ZDHHC15: variants seen among roughly 807,000 people sequenced by gnomAD.
ZDHHC15 encodes the protein zDHHC palmitoyltransferase 15.
In ZDHHC15, 19 loss-of-function variants were observed where a neutral mutation model predicts 31.7. The observed-to-expected ratio is 0.60, with a 90% CI of 0.42 to 0.88. The LOEUF (loss-of-function observed/expected upper bound fraction) is 0.88, where lower values mean the gene tolerates loss of function less well. ZDHHC15 is among the 40% of genes least tolerant of loss of function. ZDHHC15 has a pLI of 0.00. For synonymous variants in ZDHHC15, 103 were observed against 90.0 expected (o/e 1.14, Z -0.82); for missense variants, 209 against 251.2 (o/e 0.83, Z 1.14).
chrX:75,419,577 G>C (rs2083596397), intron 9 of ZDHHC15, among the ~76,000 whole-genome samples: 1 of 110,931 alleles, frequency 9.0e-6, no homozygotes, highest in Admixed American at 9.6e-5. Flanking sequence ...AATACCATTT[G>C]ACCCAGCCAT....
At chrX:75,411,071 T>C (rs1569316123) in intron 10 of ZDHHC15, among the ~76,000 whole-genome samples, 1 of 111,914 alleles carries the variant, frequency 8.9e-6, no homozygotes, top group Non-Finnish European at 1.9e-5. Context: ...GATTGGTTGT[T>C]ACCAGAGGCC....
intron 2 of ZDHHC15, among the ~76,000 whole-genome samples, chrX:75,482,400 G>A (rs1435879975): frequency 8.9e-6 from 1 of 111,789 alleles, no homozygotes; most frequent in Admixed American, 9.5e-5. Flanking sequence ...TCTAATACTG[G>A]GATCAAATTC....
chrX:75,482,565 C>G (rs893792697), intron 2 of ZDHHC15, among the ~76,000 whole-genome samples: 2 of 111,552 alleles, frequency 1.8e-5, no homozygotes, highest in African/African-American at 6.5e-5. Context: ...TTCTATGAAG[C>G]TGGTTAGATT....
intron 8 of ZDHHC15, among the ~76,000 whole-genome samples, chrX:75,422,891 G>T: frequency 9.3e-6 from 1 of 107,419 alleles, no homozygotes; most frequent in Non-Finnish European, 1.9e-5. Flanking sequence ...TGCCATGCTG[G>T]TGTGCTGCAC....
intron 1 of ZDHHC15, among the ~76,000 whole-genome samples, chrX:75,515,387 G>T (rs1350977752): frequency 9.0e-6 from 1 of 111,354 alleles, no homozygotes; most frequent in Non-Finnish European, 1.9e-5. Flanking sequence ...TATCCACCAA[G>T]ATCCAGTTGG....
chrX:75,450,827 C>T lies in ZDHHC15; in HGVS notation c.354G>A (p.Pro118=). The T allele has an allele frequency of 4.1e-6, 5 of 1,210,724 alleles. No homozygotes were observed. Among genetic ancestry groups the T allele is most frequent in the Non-Finnish European group, 4.5e-6 (4 of 894,928 alleles). ...CTCCACTTCCAGTTCTTGTGTAAAC[C>T]GGTAGCTTTTTGGCCATATCAACAA... ...QMLVDMAKKL[P]VYTRTGSGAV... The change falls in exon 4 of 12, where the codon CCG becomes CCA. Residue 118 remains proline, a synonymous_variant. Transcript: ENST00000373367.
In ZDHHC15 at chrX:75,456,656, C is replaced by G. The variant is rs377072135; in HGVS notation, c.259-5734G>C. 2.1e-4 allele frequency among the ~76,000 whole-genome samples: 23 copies of G among 110,799 alleles called. No homozygotes were observed. The East Asian group carries it at 2.3e-3, about 11-fold the overall frequency. On this transcript the variant is annotated intron_variant, in intron 3 of 11. Transcript: ENST00000373367. ...GACAGTGCGGGGATTCCTCAAGGAT[C>G]TAGAATCAGAAATATCATTTGACCC... is the stretch of plus-strand genomic sequence containing the variant.
chrX:75,414,137 C>A (rs2083517873), intron 10 of ZDHHC15, among the ~76,000 whole-genome samples: 1 of 111,992 alleles, frequency 8.9e-6, no homozygotes. Flanking sequence ...CCCCAAGACT[C>A]AAAAGTCTTT....
Position 75,424,658 on chromosome X carries a change from TG to T in ZDHHC15, c.729del (p.Thr244ProfsTer2). On this transcript the variant is annotated frameshift_variant, in exon 8 of 12. Coordinates refer to ENST00000373367, the MANE Select transcript of ZDHHC15 (RefSeq NM_144969.3). LOFTEE classifies it high-confidence loss of function. ...YHCWLVSRNK[T>X]TLEAFCTPVF... Reference sequence around the variant, plus strand: ...TCTTAATATTCAGTCTTACCTAAGGTGGTTTTGTTTCTGCTGACAAGCCAAC... The same window carrying T: ...TCTTAATATTCAGTCTTACCTAAGGTGTTTTGTTTCTGCTGACAAGCCAAC... 1 of 1,202,816 alleles carries T rather than the reference TG, an allele frequency of 8.3e-7. No homozygotes were observed. Among genetic ancestry groups the T allele is most frequent in the Non-Finnish European group, 1.1e-6 (1 of 892,343 alleles).
At chrX:75,424,813 G>T in intron 7 of ZDHHC15, 29 bp from the exon 8 acceptor site, 1 of 1,159,803 alleles carries the variant, frequency 8.6e-7, no homozygotes, top group Non-Finnish European at 1.1e-6. Flanking sequence ...ACAAGCAAAA[G>T]ATTAAAGTGG....
chrX:75,517,396 A>G (rs1280025890), intron 1 of ZDHHC15, among the ~76,000 whole-genome samples: 1 of 110,360 alleles, frequency 9.1e-6, no homozygotes, highest in Admixed American at 9.6e-5. Context: ...ACCATGGAAT[A>G]CTATGCATCC....
At chrX:75,385,053 C>T (rs778377907) in intron 10 of ZDHHC15, among the ~76,000 whole-genome samples, 1 of 111,575 alleles carries the variant, frequency 9.0e-6, no homozygotes, top group East Asian at 2.8e-4. Context: ...TTTTGAAATT[C>T]CTAGGAATAA....
chrX:75,475,617 T>C lies in ZDHHC15; in HGVS notation c.258+3274A>G, dbSNP rs181377923. ...GCTAGTACCACATTGTTTTGATTACTGTAGCTTTGCAGTAAATTCTGAAAT... is the reference window on the plus strand; with the variant it reads ...GCTAGTACCACATTGTTTTGATTACCGTAGCTTTGCAGTAAATTCTGAAAT... On this transcript the variant is annotated intron_variant, in intron 3 of 11. Transcript: ENST00000373367. 3.7e-4 allele frequency among the ~76,000 whole-genome samples: 41 copies of C among 112,057 alleles called. No individual in the cohort carries two copies. The East Asian group carries it at 0.011, about 30-fold the overall frequency.
chrX:75,474,456 C>T (rs1189070887), intron 3 of ZDHHC15, among the ~76,000 whole-genome samples: 7 of 102,333 alleles, frequency 6.8e-5, no homozygotes, highest in Admixed American at 3.3e-4. Flanking sequence ...TATACACACA[C>T]ACACACACAC....
At chrX:75,469,020 C>A (rs1246483084) in intron 3 of ZDHHC15, among the ~76,000 whole-genome samples, 1 of 107,514 alleles carries the variant, frequency 9.3e-6, no homozygotes, top group African/African-American at 3.3e-5. Context: ...GATCATCTCA[C>A]TTTCTTGATA....
intron 2 of ZDHHC15, among the ~76,000 whole-genome samples, chrX:75,500,149 A>G (rs2085067178): frequency 9.1e-6 from 1 of 109,915 alleles, no homozygotes; most frequent in African/African-American, 3.3e-5. Flanking sequence ...TGAGGGATAA[A>G]AGGCTACGCA....
At position 75,477,359 on chromosome X, in the gene ZDHHC15, G is replaced by A. The variant is rs1184303592; in HGVS notation, c.258+1532C>T. Among the ~76,000 whole-genome samples, 3 of 111,562 alleles carry A rather than the reference G, an allele frequency of 2.7e-5. No individual in the cohort carries two copies. The East Asian group carries it at 8.4e-4, about 31-fold the overall frequency. On this transcript the variant is annotated intron_variant, in intron 3 of 11. Coordinates refer to ENST00000373367, the MANE Select transcript of ZDHHC15 (RefSeq NM_144969.3). ...CTTTTTGGGTGATCTATATAGGTGT[G>A]TTACATGTAGCTGGTTTGGTGTTGT...
chrX:75,420,056 A>C (rs2083604199), intron 9 of ZDHHC15, among the ~76,000 whole-genome samples: 1 of 109,370 alleles, frequency 9.1e-6, no homozygotes, highest in Non-Finnish European at 1.9e-5. Flanking sequence ...ATATGTAACA[A>C]ACCTGCACGT....
At chrX:75,514,921 C>G (rs1405115459) in intron 1 of ZDHHC15, among the ~76,000 whole-genome samples, 1 of 111,893 alleles carries the variant, frequency 8.9e-6, no homozygotes, top group Admixed American at 9.5e-5. Flanking sequence ...GAAATACAAA[C>G]TACCTTCAGA....
Sources: gnomAD v4.1 joint callset for allele counts (sites outside exome capture counted in the v4.1 genomes callset) on GRCh38, gnomAD v4.1.1 for gene constraint, MANE v1.5 for transcripts, NCBI Gene and HGNC (gene_info 2026-07-23, HGNC 2026-07-21) for gene names.